Variants in ARPP21 observed in about 807,000 individuals in gnomAD.
ARPP21 encodes the protein cAMP regulated phosphoprotein 21, also known as cAMP-regulated phosphoprotein 21.
ARPP21 carries 69 observed loss-of-function variants against 113.2 expected under a neutral mutation model. That is an observed-to-expected ratio of 0.61 (90% CI 0.50 to 0.74). ARPP21 has a LOEUF of 0.74. Among genes scored for constraint, ARPP21 ranks in the 30% least tolerant of loss-of-function variants. The pLI, the probability that ARPP21 is intolerant of heterozygous loss-of-function variation, is 0.00. For missense variants in ARPP21, 1,070 were observed against 1,037.4 expected, an observed-to-expected ratio of 1.03 and a Z score of -0.43; for synonymous variants, 368 against 375.5, an observed-to-expected ratio of 0.98 and a Z score of 0.23.
Position 35,690,032 on chromosome 3 carries a change from G to A in ARPP21, c.486-49G>A, listed in dbSNP as rs765295932. The A allele has an allele frequency of 3.7e-6, 3 of 801,924 alleles. No homozygotes were observed. In the South Asian group the frequency reaches 4.2e-5, roughly 11 times the overall value. 49.7% of individuals were successfully genotyped at this position (801,924 alleles called of 1,614,324 possible). A position where few individuals can be genotyped will look rare whatever the true frequency, so the allele number is the denominator to read the frequency against. ...CATTTAATTAATTCTTTAGGTTTTT[G>A]GAAGTGGAACATACATAAAACCTTT... On this transcript the variant is annotated intron_variant, in intron 7 of 20. Transcript: ENST00000684406.
At position 35,724,098 on chromosome 3, in the gene ARPP21, G is replaced by A. The variant is rs530364101; in HGVS notation, c.1225+2264G>A. On this transcript the variant is annotated intron_variant, in intron 14 of 20. Transcript: ENST00000684406. ...ACTCTTCTCCTCCTCTAATTACATA[G>A]ATTCTAGCTTTAAATAGATAATAAT... Among the ~76,000 whole-genome samples the A allele has an allele frequency of 7.2e-5, 11 of 152,272 alleles. No individual in the cohort carries two copies. The East Asian group carries it at 1.4e-3, about 19-fold the overall frequency.
intron 19 of ARPP21, among the ~76,000 whole-genome samples, chr3:35,747,685 C>A (rs2095154717): frequency 6.6e-6 from 1 of 152,082 alleles, no homozygotes; most frequent in Admixed American, 6.6e-5. Flanking sequence ...TGGAGGAGTA[C>A]AAAATCACGA....
rs539290677 is a variant in ARPP21 at position 35,752,294 on chromosome 3, C to G, written c.2137+8329C>G. 4.6e-3 allele frequency among the ~76,000 whole-genome samples: 701 copies of G among 151,792 alleles called. 7 individuals carry two copies. Among genetic ancestry groups the G allele is most frequent in the African/African-American group, 0.016 (664 of 41,378 alleles). On this transcript the variant is annotated intron_variant, in intron 19 of 20. Transcript: ENST00000684406. ...CACTCTGACCTTTTGGATCTAGATGCCATTGAATCAATCCTGTATTCTACA... is the reference window on the plus strand; with the variant it reads ...CACTCTGACCTTTTGGATCTAGATGGCATTGAATCAATCCTGTATTCTACA...
At chr3:35,740,693 A>C (rs1037283615) in intron 18 of ARPP21, among the ~76,000 whole-genome samples, 20 of 152,224 alleles carry the variant, frequency 1.3e-4, no homozygotes, top group Non-Finnish European at 1.0e-4. Context: ...TGGGAAAAAT[A>C]ATTTAGCTCT....
At chr3:35,681,970 A>G in intron 3 of ARPP21, 90 bp downstream of exon 3, 3 of 1,398,870 alleles carry the variant, frequency 2.1e-6, no homozygotes, top group Non-Finnish European at 2.9e-6. Context: ...TTTATTTTTT[A>G]AAGAGTTTCA....
At chr3:35,756,140 C>T (rs1394317273) in intron 19 of ARPP21, among the ~76,000 whole-genome samples, 1 of 152,014 alleles carries the variant, frequency 6.6e-6, no homozygotes. Flanking sequence ...TTTAATCACC[C>T]CCTCCAGCTC....
At chr3:35,662,382 C>T (rs141582065) in intron 1 of ARPP21, among the ~76,000 whole-genome samples, 35 of 152,252 alleles carry the variant, frequency 2.3e-4, no homozygotes, top group African/African-American at 8.4e-4. Flanking sequence ...GCATTTTCAA[C>T]CCTTCTGAAA....
At chr3:35,746,322 T>C (rs2095045847) in intron 19 of ARPP21, among the ~76,000 whole-genome samples, 1 of 152,154 alleles carries the variant, frequency 6.6e-6, no homozygotes, top group African/African-American at 2.4e-5. Context: ...AGGCTCTGGG[T>C]CCTACAGCTG....
intron 5 of ARPP21, chr3:35,684,267 G>A (rs894338649): frequency 5.0e-6 from 6 of 1,195,490 alleles, no homozygotes; most frequent in African/African-American, 3.1e-5. Flanking sequence ...TAGTGAATAA[G>A]GTGCATTTAA....
At chr3:35,673,139 T>C (rs2076746137) in intron 1 of ARPP21, among the ~76,000 whole-genome samples, 2 of 152,028 alleles carry the variant, frequency 1.3e-5, no homozygotes, top group Admixed American at 6.6e-5. Flanking sequence ...AGCTCAGAGC[T>C]GCCCTATATA....
At chr3:35,748,167 CAGAAA>C (rs1391752947) in intron 19 of ARPP21, among the ~76,000 whole-genome samples, 10 of 41,098 alleles carry the variant, frequency 2.4e-4, no homozygotes, top group Middle Eastern at 0.019. Flanking sequence ...AAGAACAGAA[CAGAAA>C]AGAAAAGAAA....
intron 13 of ARPP21, among the ~76,000 whole-genome samples, chr3:35,719,832 A>G (rs986575337): frequency 6.6e-6 from 1 of 152,242 alleles, no homozygotes; most frequent in Non-Finnish European, 1.5e-5. Context: ...TTTCTGGTGC[A>G]TTCACAGTTG....
intron 19 of ARPP21, among the ~76,000 whole-genome samples, chr3:35,772,646 A>G (rs2096242852): frequency 6.6e-6 from 1 of 152,224 alleles, no homozygotes; most frequent in African/African-American, 2.4e-5. Context: ...TGCCTTTTTC[A>G]ATCCCAACAT....
chr3:35,786,508 C>T (rs1321447108), intron 19 of ARPP21, among the ~76,000 whole-genome samples: 8 of 145,358 alleles, frequency 5.5e-5, no homozygotes, highest in African/African-American at 1.3e-4. Context: ...AGCCTGACGA[C>T]GGAGTGAGAT....
intron 19 of ARPP21, chr3:35,781,478 T>C (rs2096526543): frequency 6.6e-6 from 1 of 152,214 alleles, no homozygotes. Context: ...GATTTAAGTG[T>C]TGACCATAGC....
chr3:35,764,821 C>CATTT (rs2095902365), intron 19 of ARPP21, among the ~76,000 whole-genome samples: 1 of 151,998 alleles, frequency 6.6e-6, no homozygotes, highest in Non-Finnish European at 1.5e-5. Context: ...ATAGTTCTGC[C>CATTT]ATTTGTATAT....
At chr3:35,779,586 C>CAA (rs5847898) in intron 19 of ARPP21, among the ~76,000 whole-genome samples, 80 of 146,376 alleles carry the variant, frequency 5.5e-4, no homozygotes, top group African/African-American at 1.5e-3. Context: ...TAGTGAGGGT[C>CAA]AAAAAAAAAA....
chr3:35,717,485 G>T lies in ARPP21; in HGVS notation c.995+128G>T. 6.4e-6 allele frequency: 4 copies of T among 626,232 alleles called. No homozygotes were observed. The South Asian group carries it at 8.2e-5, about 13-fold the overall frequency. 38.8% of individuals were successfully genotyped at this position (626,232 alleles called of 1,614,324 possible). A position where few individuals can be genotyped will look rare whatever the true frequency, so the allele number is the denominator to read the frequency against. ...AAAAGTCTGGTTATCTCTTTGTAAA[G>T]CTTGTTAAATAGCTAGCGTGGAAGT... On this transcript the variant is annotated intron_variant, in intron 13 of 20. Coordinates refer to ENST00000684406, the MANE Select transcript of ARPP21 (RefSeq NM_001385562.1).
intron 19 of ARPP21, among the ~76,000 whole-genome samples, chr3:35,759,551 A>G (rs1246110411): frequency 1.3e-5 from 2 of 152,194 alleles, no homozygotes; most frequent in African/African-American, 2.4e-5. Context: ...GAGTTTGCCA[A>G]TATATTTACT....
Sources: allele counts gnomAD v4.1 joint callset (sites outside exome capture counted in the v4.1 genomes callset), GRCh38; gene constraint gnomAD v4.1.1; transcripts MANE v1.5; gene names NCBI Gene and HGNC (gene_info 2026-07-23, HGNC 2026-07-21).